PTPRD: variants seen among roughly 807,000 people sequenced by gnomAD.
The protein encoded by PTPRD is protein tyrosine phosphatase receptor type D, also known as receptor-type tyrosine-protein phosphatase delta.
Under a neutral mutation model 214.5 loss-of-function variants are expected in PTPRD, and 34 were observed. That is an observed-to-expected ratio of 0.16 (90% confidence interval 0.12 to 0.21). The LOEUF (loss-of-function observed/expected upper bound fraction) is 0.21. Among genes scored for constraint, PTPRD ranks in the 10% least tolerant of loss-of-function variants. The probability of loss-of-function intolerance (pLI) is 1.00; values close to 1 mark genes in which losing one functional copy is unlikely to be tolerated. For missense variants in PTPRD, 2,545 were observed against 2,398.7 expected (o/e 1.06, Z -1.27); for synonymous variants, 1,128 against 845.7 (o/e 1.33, Z -5.79).
intron 10 of PTPRD, among the ~76,000 whole-genome samples, chr9:9,166,940 A>C (rs986782940): frequency 6.6e-6 from 1 of 152,216 alleles, no homozygotes; most frequent in Non-Finnish European, 1.5e-5. Flanking sequence ...AACAACTTAG[A>C]ACCTCACTTT....
Position 8,687,001 on chromosome 9 carries a change from T to C in PTPRD, c.64+46779A>G, listed in dbSNP as rs536813905. Among the ~76,000 whole-genome samples, 3 of 152,330 alleles carry C rather than the reference T, an allele frequency of 2.0e-5. No individual in the cohort carries two copies. The South Asian group carries it at 6.2e-4, about 32-fold the overall frequency. On this transcript the variant is annotated intron_variant, in intron 12 of 45. Coordinates refer to ENST00000381196, the MANE Select transcript of PTPRD (RefSeq NM_002839.4). ...CCGGGGGAGAAGAGCCTGTGTAACA[T>C]TGCTTTTCACTCTCATGATTGAAAG...
chr9:9,916,254 G>T (rs1312611009), intron 5 of PTPRD, among the ~76,000 whole-genome samples: 2 of 151,788 alleles, frequency 1.3e-5, no homozygotes, highest in African/African-American at 4.8e-5. Flanking sequence ...GAAGTAAAAA[G>T]GTGGTAAATA....
chr9:10,446,501 A>G (rs1388480825), intron 2 of PTPRD, among the ~76,000 whole-genome samples: 1 of 144,970 alleles, frequency 6.9e-6, no homozygotes, highest in Non-Finnish European at 1.5e-5. Flanking sequence ...GGGACCCAAT[A>G]TACTTTCCAA....
At chr9:9,027,655 T>G (rs1479546105) in intron 10 of PTPRD, among the ~76,000 whole-genome samples, 2 of 151,874 alleles carry the variant, frequency 1.3e-5, no homozygotes, top group African/African-American at 4.8e-5. Context: ...CAGAGTACAT[T>G]TGAAAAGTCC....
chr9:9,779,106 C>CAAAAAAAAAAAAAAAAAAAAAAAA (rs1555048405), intron 5 of PTPRD, among the ~76,000 whole-genome samples: 1 of 46,228 alleles, frequency 2.2e-5, no homozygotes, highest in African/African-American at 9.9e-5. Context: ...AAAAAAAAAG[C>CAAAAAAAAAAAAAAAAAAAAAAAA]AATGGGGAAA....
intron 11 of PTPRD, among the ~76,000 whole-genome samples, chr9:8,940,280 CTTTTTTTTTT>C (rs34342718): frequency 1.1e-5 from 1 of 89,050 alleles, no homozygotes; most frequent in Non-Finnish European, 2.1e-5. Context: ...TCTCTCTCTC[CTTTTTTTTTT>C]TTTTTTTTTT....
intron 7 of PTPRD, among the ~76,000 whole-genome samples, chr9:9,630,872 G>T (rs1356178457): frequency 1.3e-5 from 2 of 152,130 alleles, no homozygotes; most frequent in Admixed American, 1.3e-4. Context: ...ATATGTAAAA[G>T]ATGTTCAATA....
intron 10 of PTPRD, among the ~76,000 whole-genome samples, chr9:9,050,745 G>A (rs995815069): frequency 2.6e-5 from 4 of 152,032 alleles, no homozygotes; most frequent in African/African-American, 9.6e-5. Flanking sequence ...CTATTATAAC[G>A]CTTGTGTTCA....
At chr9:8,322,048 C>T (rs1053253095) in intron 44 of PTPRD, among the ~76,000 whole-genome samples, 2 of 152,026 alleles carry the variant, frequency 1.3e-5, no homozygotes, top group African/African-American at 4.8e-5. Context: ...GTTACTACTG[C>T]AATTGGTTTG....
intron 3 of PTPRD, among the ~76,000 whole-genome samples, chr9:10,065,553 A>G (rs898541968): frequency 2.0e-5 from 3 of 151,950 alleles, no homozygotes; most frequent in Non-Finnish European, 4.4e-5. Flanking sequence ...AATAAAATCA[A>G]ATTTTTGGTC....
chr9:10,559,862 T>G (rs557640104), intron 2 of PTPRD, among the ~76,000 whole-genome samples: 2 of 151,880 alleles, frequency 1.3e-5, no homozygotes, highest in East Asian at 1.9e-4. Context: ...CAATGAGATA[T>G]CATCTCACAC....
At chr9:8,586,918 T>C (rs2093700574) in intron 14 of PTPRD, among the ~76,000 whole-genome samples, 1 of 152,072 alleles carries the variant, frequency 6.6e-6, no homozygotes, top group Non-Finnish European at 1.5e-5. Context: ...GAGACTGAGG[T>C]GGGCGGACCA....
intron 3 of PTPRD, among the ~76,000 whole-genome samples, chr9:10,047,317 T>TGTGTGTGTGTGC (rs2097422232): frequency 6.8e-6 from 1 of 147,404 alleles, no homozygotes. Context: ...ACTAACTGTG[T>TGTGTGTGTGTGC]GTGTGTGTGT....
intron 12 of PTPRD, among the ~76,000 whole-genome samples, chr9:8,653,447 A>G (rs146671680): frequency 6.6e-5 from 10 of 152,236 alleles, no homozygotes; most frequent in Non-Finnish European, 1.2e-4. Context: ...ATCCTTCACT[A>G]CCCATCCCAT....
chr9:9,218,059 G>A (rs2099953453), intron 9 of PTPRD, among the ~76,000 whole-genome samples: 1 of 152,038 alleles, frequency 6.6e-6, no homozygotes, highest in Admixed American at 6.6e-5. Context: ...ATAACTATCT[G>A]TTTAAGGAAC....
intron 3 of PTPRD, among the ~76,000 whole-genome samples, chr9:10,165,045 T>C (rs2099150935): frequency 6.6e-6 from 1 of 151,644 alleles, no homozygotes; most frequent in Admixed American, 6.6e-5. Context: ...CATGTTTAAT[T>C]AGAAGATGTA....
At chr9:8,847,577 T>C (rs1057399028) in intron 11 of PTPRD, among the ~76,000 whole-genome samples, 2 of 152,182 alleles carry the variant, frequency 1.3e-5, no homozygotes, top group Non-Finnish European at 2.9e-5. Context: ...CTTTATTTTA[T>C]GTATCATGTC....
intron 3 of PTPRD, among the ~76,000 whole-genome samples, chr9:10,258,749 C>G (rs559893009): frequency 1.6e-4 from 25 of 152,130 alleles, no homozygotes; most frequent in African/African-American, 4.8e-4. Flanking sequence ...TTGTATCTCT[C>G]TCTCTTTCTC....
intron 11 of PTPRD, among the ~76,000 whole-genome samples, chr9:8,780,691 G>C (rs2095659788): frequency 6.6e-6 from 1 of 152,172 alleles, no homozygotes; most frequent in South Asian, 2.1e-4. Flanking sequence ...TCTACCTCAT[G>C]TGAACATGAA....
Sources: gnomAD v4.1 joint callset for allele counts (sites outside exome capture counted in the v4.1 genomes callset) on GRCh38, gnomAD v4.1.1 for gene constraint, MANE v1.5 for transcripts, NCBI Gene and HGNC (gene_info 2026-07-23, HGNC 2026-07-21) for gene names.